The following PLEC variants were observed in gnomAD, a reference collection of about 807,000 sequenced individuals.
The protein encoded by PLEC is plectin.
PLEC carries 216 observed loss-of-function variants against 392.8 expected under a neutral mutation model. That is an observed-to-expected ratio of 0.55 (90% confidence interval 0.49 to 0.62). The LOEUF (loss-of-function observed/expected upper bound fraction) is 0.62, where lower values mean the gene tolerates loss of function less well. Among genes scored for constraint, PLEC ranks in the 20% least tolerant of loss-of-function variants. The probability of loss-of-function intolerance (pLI) is 0.00; values close to 1 mark genes in which losing one functional copy is unlikely to be tolerated. For synonymous variants in PLEC, 3,621 were observed against 2,980.6 expected (o/e 1.21, Z -7.00); for missense variants, 6,863 against 6,563.4 (o/e 1.05, Z -1.58).
rs1212728632 is a variant in PLEC, at chr8:143,923,271, C to A, written c.6658G>T (p.Ala2220Ser). 7 of 1,606,682 alleles carry A rather than the reference C, an allele frequency of 4.4e-6. No individual in the cohort carries two copies. In the East Asian group the frequency reaches 1.1e-4, roughly 26 times the overall value. ...TCCTCCACCTGGCTGCGCTGGCGTGCGGCCTCCGTGGCCTCCGCCTTCAGC... is the reference window on the plus strand; with the variant it reads ...TCCTCCACCTGGCTGCGCTGGCGTGAGGCCTCCGTGGCCTCCGCCTTCAGC... The part of the protein sequence containing the change: ...QRLKAEATEA[A>S]RQRSQVEEEL... The change falls in exon 31 of 32, where the codon GCA becomes TCA. Residue 2220 changes from alanine to serine, a missense_variant. Physicochemically the swap from Ala to Ser is moderately conservative, Grantham distance 99. Transcript: ENST00000345136.
upstream of PLEC, chr8:143,942,654 C>T (rs1337618675): frequency 3.6e-6 from 4 of 1,121,482 alleles, no homozygotes; most frequent in Non-Finnish European, 4.8e-6. Flanking sequence ...CACAATCCGC[C>T]CACTGCGGGA....
upstream of PLEC, among the ~76,000 whole-genome samples, chr8:143,944,164 G>A (rs1237774209): frequency 7.2e-5 from 11 of 151,730 alleles, no homozygotes; most frequent in African/African-American, 2.4e-4. Flanking sequence ...GGCTACTGAC[G>A]CTCAAGGTTA....
In PLEC at chr8:143,922,407, G is replaced by A. The variant is rs782014945; in HGVS notation, c.7426-12C>T. On this transcript the variant is annotated splice_polypyrimidine_tract_variant and intron_variant, in intron 31 of 31. Coordinates refer to ENST00000345136, the MANE Select transcript of PLEC (RefSeq NM_201384.3). ...TGCACCGTCTGCATCTGCAGAAGAA[G>A]AGGGTGTGATCAGGGACCGCCAGCC... 3 of 1,600,988 alleles carry A rather than the reference G, an allele frequency of 1.9e-6. No individual in the cohort carries two copies. Among genetic ancestry groups the A allele is most frequent in the Admixed American group, 1.7e-5 (1 of 60,022 alleles).
chr8:143,957,989 C>T (rs11991766), upstream of PLEC, among the ~76,000 whole-genome samples: 8,799 of 152,230 alleles, frequency 0.058, 879 homozygotes, highest in African/African-American at 0.2. Context: ...AGACCAGGCC[C>T]AGTGAAATCC....
In PLEC at chr8:143,932,851, C is replaced by A. The variant is rs921706306; in HGVS notation, c.1679G>T (p.Gly560Val). Residue 560 changes from glycine (G) to valine (V), a missense_variant, in exon 14 of 32, where the codon GGC becomes GTC. Transcript: ENST00000345136. ...GAATTCTTCGATGGACTGGTGCAGG[C>A]CTCGGTGGCTGCCCAGCTGCGCCTC... ...SVEAQLGSHR[G>V]LHQSIEEFRA... is the part of the protein sequence containing the mutation. 12 of 1,610,592 alleles carry A rather than the reference C, an allele frequency of 7.5e-6. No individual in the cohort carries two copies. The highest frequency in any genetic ancestry group is 1.0e-5 in the Non-Finnish European group (12 of 1,179,192).
chr8:143,925,520 C>T lies in PLEC; in HGVS notation c.4409G>A (p.Gly1470Glu), dbSNP rs1824781415. 2 of 1,595,556 alleles carry T rather than the reference C, an allele frequency of 1.3e-6. No homozygotes were observed. Among genetic ancestry groups the T allele is most frequent in the Non-Finnish European group, 1.7e-6 (2 of 1,178,016 alleles). ...CAGTGCCTGCAGCTCCCCCTCAGCC[C>T]CGCCACGCTGGCGCTCGGTGGCCTC... Reference protein sequence around the residue: ...QLEATERQRGGAEGELQALRA... With the variant: ...QLEATERQRGEAEGELQALRA... The change falls in exon 31 of 32, where the codon GGG becomes GAG. Residue 1470 changes from glycine to glutamate, a missense_variant. Transcript: ENST00000345136.
chr8:143,925,467 G>C lies in PLEC; in HGVS notation c.4462C>G (p.Gln1488Glu), dbSNP rs782495676. 1.9e-6 allele frequency: 3 copies of C among 1,596,152 alleles called. No homozygotes were observed. The highest frequency in any genetic ancestry group is 1.1e-5 in the South Asian group (1 of 90,898). ...GCCTCCTCCTGCGCCTGTCGCTTTT[G>C]TGCCTCAGCCTCCTCCGCCCGTGCA... is the stretch of plus-strand genomic sequence containing the variant. ...LRARAEEAEA[Q>E]KRQAQEEAER... The change falls in exon 31 of 32, where the codon CAA (glutamine) becomes GAA (glutamate). Residue 1488 changes from glutamine (Q) to glutamate (E), a missense_variant. Transcript: ENST00000345136.
In PLEC at chr8:143,921,551, C is replaced by A. The variant is rs1822719512; in HGVS notation, c.8270G>T (p.Gly2757Val). The A allele has an allele frequency of 6.2e-7, 1 of 1,612,574 alleles. No individual in the cohort carries two copies. Among genetic ancestry groups the A allele is most frequent in the African/African-American group, 1.3e-5 (1 of 74,902 alleles). The change falls in exon 32 of 32, where the codon GGT becomes GTT. Residue 2757 changes from glycine (G) to valine (V), a missense_variant. Coordinates refer to ENST00000345136, the MANE Select transcript of PLEC (RefSeq NM_201384.3). ...GTGGTGCAGCTCGGGGCCCACCACA[C>A]CCTCCTTCACAGCCTCGTTGACGGT... ...RLTVNEAVKE[G>V]VVGPELHHKL...
rs1554721774 is a variant in PLEC at position 143,935,040 on chromosome 8, G to A, written c.796C>T (p.Pro266Ser). ...SSLYDAMPRV[P>S]DVQDGVRANE... ...GCCCTCACCCCATCCTGCACGTCCG[G>A]CACGCGGGGCATGGCGTCATACAGC... The change falls in exon 8 of 32, where the codon CCG (proline) becomes TCG (serine). Residue 266 changes from proline to serine, a missense_variant. Transcript: ENST00000345136. 3 of 1,612,676 alleles carry A rather than the reference G, an allele frequency of 1.9e-6. No homozygotes were observed. Among genetic ancestry groups the A allele is most frequent in the African/African-American group, 2.7e-5 (2 of 74,944 alleles).
At chr8:143,954,747 C>G (rs751272056), upstream of PLEC, among the ~76,000 whole-genome samples, 43 of 152,324 alleles carry the variant, frequency 2.8e-4, no homozygotes, top group Non-Finnish European at 5.3e-4. The surrounding 1 kb of genome is among the most constrained non-coding windows in gnomAD (Gnocchi z 4.6). Context: ...GAATGCTGGG[C>G]CCTGCCCACA....
rs1554723849 is a variant in PLEC, at chr8:143,936,961, T to C, written c.435+18A>G. The C allele has an allele frequency of 1.3e-6, 2 of 1,596,086 alleles. No homozygotes were observed. The highest frequency in any genetic ancestry group is 2.2e-5 in the South Asian group (2 of 90,782). ...AAACTCCTGCAGGGGGTGGGGGTCC[T>C]GGGGGCAGCCGTTCTACCTGGAAGT... is the stretch of plus-strand genomic sequence containing the variant. On this transcript the variant is annotated intron_variant, in intron 5 of 31. Coordinates refer to ENST00000345136, the MANE Select transcript of PLEC (RefSeq NM_201384.3).
At chr8:143,953,474 C>G (rs1352265601), upstream of PLEC, among the ~76,000 whole-genome samples, 15 of 151,816 alleles carry the variant, frequency 9.9e-5, no homozygotes, top group African/African-American at 3.6e-4. Flanking sequence ...CCGCCGCCGC[C>G]GCTGCAGCAG....
rs1554692822 is a variant in PLEC, at chr8:143,923,525, G to A, written c.6404C>T (p.Ala2135Val). 4 of 1,593,774 alleles carry A rather than the reference G, an allele frequency of 2.5e-6. No individual in the cohort carries two copies. Among genetic ancestry groups the A allele is most frequent in the East Asian group, 4.5e-5 (2 of 44,594 alleles). ...CTCGGCCTCCTTGCGCAGCTTCTCT[G>A]CAGCCGCCTGTGCCTGAGCCCGGGC... ...AQARAQAQAA[A>V]EKLRKEAEQE... Residue 2135 changes from alanine (A) to valine (V), a missense_variant, in exon 31 of 32, where the codon GCA becomes GTA. Physicochemically the swap from Ala to Val is moderately conservative, Grantham distance 64. Coordinates refer to ENST00000345136, the MANE Select transcript of PLEC (RefSeq NM_201384.3).
intron 1 of PLEC, among the ~76,000 whole-genome samples, chr8:143,959,190 T>C (rs1384396450): frequency 6.6e-6 from 1 of 152,176 alleles, no homozygotes; most frequent in African/African-American, 2.4e-5. Context: ...GGACAGCATT[T>C]ACCCAAGTCA....
rs1554708589 is a variant in PLEC, at chr8:143,927,783, G to A, written c.3400-17C>T. 6 of 1,595,936 alleles carry A rather than the reference G, an allele frequency of 3.8e-6. No homozygotes were observed. In the South Asian group the frequency reaches 4.5e-5, roughly 12 times the overall value. On this transcript the variant is annotated splice_polypyrimidine_tract_variant and intron_variant, in intron 26 of 31. Coordinates refer to ENST00000345136, the MANE Select transcript of PLEC (RefSeq NM_201384.3). ...CCGCAGCTTCTGTTGGGGACAGGAG[G>A]GACATGTGCGGCTTCAGCTGGGCCC...
upstream of PLEC, chr8:143,953,793 G>A (rs1249616856): frequency 2.5e-6 from 4 of 1,611,546 alleles, no homozygotes; most frequent in Non-Finnish European, 3.4e-6. Flanking sequence ...GGCTGAGGGC[G>A]GCTGTGCCAC....
At chr8:143,928,224 G>C (rs1554709424) in intron 25 of PLEC, among the ~76,000 whole-genome samples, 1 of 152,264 alleles carries the variant, frequency 6.6e-6, no homozygotes, top group Admixed American at 6.5e-5. Context: ...TGGAGAGGGG[G>C]TGCGCCAGCC....
At chr8:143,958,187 G>T (rs1377201992), upstream of PLEC, among the ~76,000 whole-genome samples, 1 of 152,114 alleles carries the variant, frequency 6.6e-6, no homozygotes, top group African/African-American at 2.4e-5. This position sits in a 1 kb window ranked among gnomAD's most constrained non-coding sequence, Gnocchi z 4.9. Context: ...AGCCTTCCAT[G>T]CTCTGGAGGC....
At position 143,929,695 on chromosome 8, in the gene PLEC, G is replaced by A. The variant is rs368371693; in HGVS notation, c.2874C>T (p.Tyr958=). The stretch of plus-strand genomic sequence containing the variant: ...GCTGGTAGTGGTGGCTGCAGGAGCC[G>A]TACTCGCGCTCAGCCATCAGCCGGT... ...PEDRLMAERE[Y]GSCSHHYQQL... is the part of the protein sequence containing the mutation. The change falls in exon 23 of 32, where the codon TAC becomes TAT. Residue 958 remains tyrosine (Y), a synonymous_variant. Coordinates refer to ENST00000345136, the MANE Select transcript of PLEC (RefSeq NM_201384.3). The A allele has an allele frequency of 5.0e-5, 80 of 1,599,456 alleles. No individual in the cohort carries two copies. The East Asian group carries it at 5.8e-4, about 12-fold the overall frequency.
Sources: allele counts gnomAD v4.1 joint callset (sites outside exome capture counted in the v4.1 genomes callset), GRCh38; gene constraint gnomAD v4.1.1; non-coding constraint Gnocchi (gnomAD v3.1); transcripts MANE v1.5; gene names NCBI Gene and HGNC (gene_info 2026-07-23, HGNC 2026-07-21).